Variants in SNX29 observed in about 807,000 individuals in gnomAD.
SNX29 encodes sorting nexin-29.
Under a neutral mutation model 102.1 loss-of-function variants are expected in SNX29, and 78 were observed. That is an observed-to-expected ratio of 0.76 (90% CI 0.64 to 0.92). The LOEUF is 0.92. SNX29 is among the 40% of genes least tolerant of loss of function. The probability of loss-of-function intolerance (pLI) is 0.00; values close to 1 mark genes in which losing one functional copy is unlikely to be tolerated. For missense variants in SNX29, 1,280 were observed against 1,061.7 expected (o/e 1.21, Z -2.86); for synonymous variants, 580 against 414.5 (o/e 1.40, Z -4.85).
chr16:12,468,506 G>C (rs2087180144), intron 18 of SNX29, among the ~76,000 whole-genome samples: 2 of 152,140 alleles, frequency 1.3e-5, no homozygotes, highest in African/African-American at 2.4e-5. Context: ...TCAAAGCTCA[G>C]CTAATCCAAC....
intron 8 of SNX29, among the ~76,000 whole-genome samples, chr16:12,054,828 C>T (rs2050453309): frequency 6.6e-6 from 1 of 152,240 alleles, no homozygotes; most frequent in Non-Finnish European, 1.5e-5. Flanking sequence ...AGTTGCCTTT[C>T]AGTCAGATCA....
intron 13 of SNX29, among the ~76,000 whole-genome samples, chr16:12,138,206 C>CTTTTTT (rs58229550): frequency 8.1e-6 from 1 of 123,012 alleles, no homozygotes; most frequent in African/African-American, 3.1e-5. Flanking sequence ...ATTTGTCACT[C>CTTTTTT]TTTTTTTTTT....
intron 17 of SNX29, among the ~76,000 whole-genome samples, chr16:12,399,900 A>G (rs774515887): frequency 3.3e-4 from 50 of 152,116 alleles, no homozygotes; most frequent in Admixed American, 9.8e-4. Flanking sequence ...CTGTGGGAAG[A>G]AACTGGGAAG....
rs1424706162 is a variant in SNX29, at chr16:12,554,967, A to G, written c.2319-13539A>G. ...TCTGGAGAAAACAATGGAGGTGGTG[A>G]GGGGGGTCAGTCAGCCGGAGCACCT... is the stretch of plus-strand genomic sequence containing the variant. On this transcript the variant is annotated intron_variant, in intron 20 of 20. Coordinates refer to ENST00000566228, the MANE Select transcript of SNX29 (RefSeq NM_032167.5). 3.4e-3 allele frequency among the ~76,000 whole-genome samples: 517 copies of G among 149,864 alleles called. 7 individuals carry two copies. Among genetic ancestry groups the G allele is most frequent in the African/African-American group, 0.013 (500 of 39,396 alleles).
At chr16:12,110,324 C>T (rs1460877339) in intron 11 of SNX29, among the ~76,000 whole-genome samples, 1 of 152,174 alleles carries the variant, frequency 6.6e-6, no homozygotes, top group African/African-American at 2.4e-5. Flanking sequence ...TCTCCTGCAG[C>T]CCAGCATGTC....
At chr16:12,070,723 T>G (rs1239993497) in intron 10 of SNX29, among the ~76,000 whole-genome samples, 1 of 151,980 alleles carries the variant, frequency 6.6e-6, no homozygotes, top group East Asian at 1.9e-4. Context: ...AAATGGTATT[T>G]CTAGTTCTAG....
intron 20 of SNX29, among the ~76,000 whole-genome samples, chr16:12,539,115 C>T (rs1051549191): frequency 3.3e-5 from 5 of 152,160 alleles, no homozygotes; most frequent in African/African-American, 7.2e-5. Context: ...CCTTTACTTT[C>T]ACAAAAAATT....
intron 14 of SNX29, among the ~76,000 whole-genome samples, chr16:12,247,277 G>C (rs2078287020): frequency 6.6e-6 from 1 of 152,066 alleles, no homozygotes; most frequent in Admixed American, 6.6e-5. Flanking sequence ...AAGTTCAAAG[G>C]GTATGGGAGA....
intron 13 of SNX29, among the ~76,000 whole-genome samples, chr16:12,168,825 A>G (rs1317574116): frequency 1.3e-5 from 2 of 152,228 alleles, no homozygotes; most frequent in Non-Finnish European, 2.9e-5. Flanking sequence ...TTCAGGAGAA[A>G]AGCTCTTAGA....
At chr16:12,473,552 C>G (rs183820913) in intron 18 of SNX29, among the ~76,000 whole-genome samples, 12 of 152,270 alleles carry the variant, frequency 7.9e-5, no homozygotes, top group Non-Finnish European at 2.9e-5. Context: ...GGTGTTTGAA[C>G]CAGAGCAACT....
intron 19 of SNX29, among the ~76,000 whole-genome samples, chr16:12,497,246 T>C (rs1394434347): frequency 1.3e-5 from 2 of 152,262 alleles, no homozygotes; most frequent in African/African-American, 4.8e-5. Flanking sequence ...AAAAGCTTCA[T>C]TAATTTCTAG....
At chr16:12,246,359 G>C (rs2142341510) in intron 14 of SNX29, among the ~76,000 whole-genome samples, 1 of 152,106 alleles carries the variant, frequency 6.6e-6, no homozygotes, top group African/African-American at 2.4e-5. Context: ...AAGAAACATT[G>C]GCCAGGCATG....
intron 20 of SNX29, among the ~76,000 whole-genome samples, chr16:12,536,961 G>A (rs1259346630): frequency 6.6e-6 from 1 of 152,030 alleles, no homozygotes; most frequent in African/African-American, 2.4e-5. Context: ...AGGCGACAGA[G>A]TGAGAGAGAA....
At chr16:12,300,078 G>T (rs1240218296) in intron 15 of SNX29, among the ~76,000 whole-genome samples, 10 of 152,124 alleles carry the variant, frequency 6.6e-5, no homozygotes, top group Admixed American at 3.9e-4. Context: ...CGCCATGTTG[G>T]CCAGGCTCGT....
chr16:12,505,105 A>G (rs1351670407), intron 19 of SNX29, among the ~76,000 whole-genome samples: 2 of 152,226 alleles, frequency 1.3e-5, no homozygotes, highest in South Asian at 2.1e-4. Flanking sequence ...CTCTGTCTCT[A>G]CAAAAAATAT....
At chr16:12,181,540 C>G (rs559990835) in intron 13 of SNX29, among the ~76,000 whole-genome samples, 3 of 152,272 alleles carry the variant, frequency 2.0e-5, no homozygotes, top group Admixed American at 6.5e-5. Flanking sequence ...GCAGGTTTGC[C>G]CTAAGCAGTT....
At chr16:12,020,969 C>G (rs954613948) in intron 3 of SNX29, among the ~76,000 whole-genome samples, 1 of 152,198 alleles carries the variant, frequency 6.6e-6, no homozygotes, top group South Asian at 2.1e-4. Flanking sequence ...CTTGTTCTTA[C>G]TGTCTTAAAT....
At chr16:12,556,879 G>A (rs1470052327) in intron 20 of SNX29, among the ~76,000 whole-genome samples, 1 of 151,740 alleles carries the variant, frequency 6.6e-6, no homozygotes, top group Non-Finnish European at 1.5e-5. Context: ...TTGAGATAGG[G>A]TCTCCGTCTG....
At chr16:12,527,588 G>T (rs1263249379) in intron 20 of SNX29, among the ~76,000 whole-genome samples, 2 of 152,102 alleles carry the variant, frequency 1.3e-5, no homozygotes, top group Non-Finnish European at 2.9e-5. Context: ...CTCGTCTTCT[G>T]GAGAGCCAAT....
Sources: gnomAD v4.1 joint callset for allele counts (sites outside exome capture counted in the v4.1 genomes callset) on GRCh38, gnomAD v4.1.1 for gene constraint, MANE v1.5 for transcripts, NCBI Gene and HGNC (gene_info 2026-07-23, HGNC 2026-07-21) for gene names.